The following KPNA7 variants were observed in gnomAD, a reference collection of about 807,000 sequenced individuals.
KPNA7 encodes the protein importin subunit alpha-8.
KPNA7 carries 54 observed loss-of-function variants against 53.7 expected under a neutral mutation model. That is an observed-to-expected ratio of 1.01 (90% CI 0.81 to 1.26). KPNA7 has a LOEUF of 1.26. Ranked by LOEUF, KPNA7 falls within the 50% of genes most tolerant of loss-of-function variation. The pLI, the probability that KPNA7 is intolerant of heterozygous loss-of-function variation, is 0.00. For missense variants in KPNA7, 640 were observed against 644.5 expected, an observed-to-expected ratio of 0.99 and a Z score of 0.07; for synonymous variants, 276 against 259.3, an observed-to-expected ratio of 1.06 and a Z score of -0.62.
chr7:99,172,808 ATCCC>A (rs1218559202), downstream of KPNA7, among the ~76,000 whole-genome samples: 17 of 152,128 alleles, frequency 1.1e-4, no homozygotes, highest in Non-Finnish European at 2.1e-4. Context: ...CACGCCTGTA[ATCCC>A]AGCACTTTAG....
chr7:99,162,237 TCTCA>T, the KPNA7 span, among the ~76,000 whole-genome samples: 1 of 151,974 alleles, frequency 6.6e-6, no homozygotes, highest in Non-Finnish European at 1.5e-5. Context: ...AGAGACAGGG[TCTCA>T]CTATGTTGGC....
At chr7:99,205,795 G>C (rs1440398599) in intron 2 of KPNA7, among the ~76,000 whole-genome samples, 1 of 152,186 alleles carries the variant, frequency 6.6e-6, no homozygotes, top group Non-Finnish European at 1.5e-5. Context: ...AGGTTGCAGT[G>C]AGCCAAGATC....
intron 1 of KPNA7, among the ~76,000 whole-genome samples, chr7:99,214,278 C>CA (rs112803395): frequency 0.065 from 7,184 of 111,348 alleles, 380 homozygotes; most frequent in African/African-American, 0.16. Flanking sequence ...TAAAAATATA[C>CA]AAAAAAAAAA....
chr7:99,173,947 C>T (rs781041741), intron 10 of KPNA7, among the ~76,000 whole-genome samples, 153 bp from the exon 11 acceptor site: 13 of 152,074 alleles, frequency 8.5e-5, no homozygotes, highest in Non-Finnish European at 1.3e-4. Flanking sequence ...CATTGTTGCG[C>T]AACCATCACC....
intron 7 of KPNA7, among the ~76,000 whole-genome samples, chr7:99,185,888 G>A (rs1367017377): frequency 3.9e-5 from 6 of 152,044 alleles, no homozygotes; most frequent in Non-Finnish European, 8.8e-5. Flanking sequence ...TGCCTCCTGG[G>A]TTCAAGCAAT....
At chr7:99,151,306 T>C in the KPNA7 span, among the ~76,000 whole-genome samples, 1 of 152,190 alleles carries the variant, frequency 6.6e-6, no homozygotes. Flanking sequence ...GTCCATAGAA[T>C]GGCTTTAAGA....
chr7:99,150,067 G>A, the KPNA7 span, among the ~76,000 whole-genome samples: 3 of 151,924 alleles, frequency 2.0e-5, no homozygotes, highest in African/African-American at 4.8e-5. Flanking sequence ...CCAAAGTGCT[G>A]GGATTACAGG....
upstream of KPNA7, among the ~76,000 whole-genome samples, chr7:99,212,606 A>T (rs1237250041): frequency 1.3e-5 from 2 of 151,812 alleles, no homozygotes; most frequent in Non-Finnish European, 2.9e-5. Flanking sequence ...GCTTTTTAAG[A>T]CTAAATTGGC....
At chr7:99,187,813 A>ATT (rs1789692086) in intron 7 of KPNA7, among the ~76,000 whole-genome samples, 2 of 80,204 alleles carry the variant, frequency 2.5e-5, no homozygotes, top group African/African-American at 1.0e-4. Context: ...AAAAAAAAAA[A>ATT]AAAAAAAAAA....
intron 9 of KPNA7, among the ~76,000 whole-genome samples, chr7:99,180,976 C>T (rs143777989): frequency 0.014 from 1,289 of 91,194 alleles, 258 homozygotes; most frequent in East Asian, 0.081. Flanking sequence ...TCTCTCTCCC[C>T]GTCTGTGTCT....
rs113345297 is a variant in KPNA7, at chr7:99,175,485, CTTTATTTATTTA to C, written c.1465-1703_1465-1692del. Among the ~76,000 whole-genome samples the C allele has an allele frequency of 2.6e-3, 379 of 145,436 alleles. 3 individuals carry two copies. Among genetic ancestry groups the C allele is most frequent in the East Asian group, 0.012 (61 of 4,996 alleles). Reference sequence around the variant, plus strand: ...TGAGCTACCACACCTGGCTTGAGAGCTTTATTTATTTATTTATTTATTTATTTATTTATTTAT... The same window carrying C: ...TGAGCTACCACACCTGGCTTGAGAGCTTTATTTATTTATTTATTTATTTAT... On this transcript the variant is annotated intron_variant, in intron 10 of 10. Coordinates refer to ENST00000327442, the MANE Select transcript of KPNA7 (RefSeq NM_001145715.3).
intron 1 of KPNA7, among the ~76,000 whole-genome samples, chr7:99,216,831 G>C (rs1584328179): frequency 6.6e-6 from 1 of 152,266 alleles, no homozygotes; most frequent in East Asian, 1.9e-4. Flanking sequence ...CAAAGTGCTG[G>C]GATTACAGGC....
chr7:99,210,044 A>T (rs1435184648), upstream of KPNA7, among the ~76,000 whole-genome samples: 1 of 151,958 alleles, frequency 6.6e-6, no homozygotes, highest in South Asian at 2.1e-4. Flanking sequence ...ATCAAGGAGA[A>T]TCTGATCTAA....
the KPNA7 span, among the ~76,000 whole-genome samples, chr7:99,168,106 T>C: frequency 6.6e-6 from 1 of 151,938 alleles, no homozygotes; most frequent in African/African-American, 2.4e-5. Context: ...TGTTTTCTTA[T>C]CCTGCTTTTT....
upstream of KPNA7, among the ~76,000 whole-genome samples, chr7:99,209,880 T>C (rs1036346517): frequency 6.6e-6 from 1 of 150,796 alleles, no homozygotes; most frequent in Non-Finnish European, 1.5e-5. Context: ...TGGTGGCACA[T>C]ACCTGTAGTC....
chr7:99,160,021 T>TG, the KPNA7 span, among the ~76,000 whole-genome samples: 44 of 70,096 alleles, frequency 6.3e-4, no homozygotes, highest in Non-Finnish European at 1.3e-3. Flanking sequence ...GTTTTTGTTT[T>TG]TTTTTTTTTT....
intron 5 of KPNA7, among the ~76,000 whole-genome samples, chr7:99,194,549 T>C (rs1425142472): frequency 6.6e-6 from 1 of 152,180 alleles, no homozygotes; most frequent in Non-Finnish European, 1.5e-5. Flanking sequence ...GTGGCTTCAG[T>C]ATACACTGTA....
chr7:99,170,914 T>C (rs1336504355), downstream of KPNA7, among the ~76,000 whole-genome samples: 2 of 152,166 alleles, frequency 1.3e-5, no homozygotes, highest in Non-Finnish European at 2.9e-5. Context: ...AACACTTGTC[T>C]GCAGCTGGAT....
At chr7:99,145,866 T>C in the KPNA7 span, among the ~76,000 whole-genome samples, 1 of 152,144 alleles carries the variant, frequency 6.6e-6, no homozygotes, top group Non-Finnish European at 1.5e-5. Flanking sequence ...GCATCACATC[T>C]GTCAAATAAA....
Sources: allele counts gnomAD v4.1 joint callset (sites outside exome capture counted in the v4.1 genomes callset), GRCh38; gene constraint gnomAD v4.1.1; transcripts MANE v1.5; gene names NCBI Gene and HGNC (gene_info 2026-07-23, HGNC 2026-07-21).